Variants in PIKFYVE observed in about 807,000 individuals in gnomAD.
The protein encoded by PIKFYVE is phosphoinositide kinase, FYVE-type zinc finger containing.
A neutral mutation model predicts 257.9 loss-of-function variants in PIKFYVE; 122 were observed. The observed-to-expected ratio is 0.47, with a 90% CI of 0.41 to 0.55. The LOEUF (loss-of-function observed/expected upper bound fraction) is 0.55, where lower values mean the gene tolerates loss of function less well. PIKFYVE is among the 20% of genes least tolerant of loss of function. PIKFYVE has a pLI of 0.00. For missense variants in PIKFYVE, 2,160 were observed against 2,536.6 expected (o/e 0.85, Z 3.19); for synonymous variants, 892 against 868.9 (o/e 1.03, Z -0.47).
intron 7 of PIKFYVE, among the ~76,000 whole-genome samples, chr2:208,291,771 G>A (rs544541773): frequency 7.9e-5 from 12 of 151,872 alleles, no homozygotes; most frequent in Admixed American, 1.3e-4. Context: ...AACCAGCTTT[G>A]GCTTTGTTGA....
At chr2:208,330,013 A>G (rs997485090) in intron 22 of PIKFYVE, 100 bp downstream of exon 22, 7 of 1,483,670 alleles carry the variant, frequency 4.7e-6, no homozygotes, top group East Asian at 2.4e-5. Flanking sequence ...TGACTGTTAC[A>G]TGATCCTCAC....
chr2:208,284,056 A>C (rs1244272498), intron 5 of PIKFYVE, among the ~76,000 whole-genome samples: 1 of 152,198 alleles, frequency 6.6e-6, no homozygotes, highest in Non-Finnish European at 1.5e-5. Flanking sequence ...TTTAGGTGGA[A>C]TTATTAAACA....
Position 208,302,274 on chromosome 2 carries a change from T to C in PIKFYVE, c.1241T>C (p.Val414Ala). ...AQAIAIGQAMVDGRWLDCVSH... is the reference protein window; with the variant it reads ...AQAIAIGQAMADGRWLDCVSH... ...GCTATAGCAATTGGACAAGCAATGG[T>C]TGATGGACGTTGGCTGGATTGTGTT... Residue 414 changes from valine to alanine, a missense_variant, in exon 10 of 42, where the codon GTT becomes GCT. Coordinates refer to ENST00000264380, the MANE Select transcript of PIKFYVE (RefSeq NM_015040.4). 6.2e-7 allele frequency: 1 copy of C among 1,614,128 alleles called. No homozygotes were observed. Among genetic ancestry groups the C allele is most frequent in the Non-Finnish European group, 8.5e-7 (1 of 1,179,980 alleles).
intron 5 of PIKFYVE, among the ~76,000 whole-genome samples, chr2:208,285,181 C>T (rs1200624615): frequency 6.6e-6 from 1 of 152,060 alleles, no homozygotes; most frequent in South Asian, 2.1e-4. Flanking sequence ...CTGCAACCTC[C>T]GCCTCCCGGG....
intron 38 of PIKFYVE, 144 bp downstream of exon 38, chr2:208,351,599 A>C: frequency 2.5e-6 from 2 of 802,600 alleles, no homozygotes; most frequent in Non-Finnish European, 4.3e-6. Context: ...TATTTGGCTC[A>C]TAGTTCTGCA....
intron 41 of PIKFYVE, 27 bp from the exon 42 acceptor site, chr2:208,355,163 T>C (rs753544599): frequency 9.6e-6 from 15 of 1,555,586 alleles, no homozygotes; most frequent in Middle Eastern, 1.7e-4. Context: ...AACAGCTTTT[T>C]CCCCCTTTTC....
In PIKFYVE at chr2:208,298,637, C is replaced by T. The variant is rs377206405; in HGVS notation, c.912-4C>T. 6.2e-7 allele frequency: 1 copy of T among 1,613,772 alleles called. No individual in the cohort carries two copies. Among genetic ancestry groups the T allele is most frequent in the African/African-American group, 1.3e-5 (1 of 74,904 alleles). On this transcript the variant is annotated splice_polypyrimidine_tract_variant and splice_region_variant and intron_variant, in intron 7 of 41. Transcript: ENST00000264380. ...GTGATTTCACTTCTTGTTTTTATTT[C>T]CAGATCAGCCAGCATTACTAACCTG... is the stretch of plus-strand genomic sequence containing the variant.
Position 208,285,751 on chromosome 2 carries a change from T to G in PIKFYVE, c.639T>G (p.Cys213Trp). ...GAGACCTCCGAGCTTGCACATATTG[T>G]AGAAAAATAGCCTTAAGTTATGCTC... ...YTGDLRACTY[C>W]RKIALSYAHS... Residue 213 changes from cysteine to tryptophan, a missense_variant, in exon 6 of 42, where the codon TGT becomes TGG. Cys to Trp is a radical substitution (Grantham distance 215). Coordinates refer to ENST00000264380, the MANE Select transcript of PIKFYVE (RefSeq NM_015040.4). 1.2e-6 allele frequency: 2 copies of G among 1,614,034 alleles called. No individual in the cohort carries two copies. The highest frequency in any genetic ancestry group is 1.3e-5 in the African/African-American group (1 of 75,036).
rs781321289 is a variant in PIKFYVE, at chr2:208,345,190, A to G, written c.5107A>G (p.Asn1703Asp). The G allele has an allele frequency of 2.5e-6, 4 of 1,603,658 alleles. No individual in the cohort carries two copies. In the Admixed American group the frequency reaches 5.0e-5, roughly 20 times the overall value. Residue 1703 changes from asparagine to aspartate, a missense_variant, in exon 33 of 42, where the codon AAT becomes GAT. By Grantham distance (23) the Asn-to-Asp change is conservative. This residue lies in a region of PIKFYVE where 699 missense variants were observed against 855.8 expected (regional missense o/e 0.82). Transcript: ENST00000264380. Reference sequence around the variant, plus strand: ...CAGTGCCGAAGAAGGGCTTCCAACAAATAGGTGATTCATGATTGAGTAGAA... The same window carrying G: ...CAGTGCCGAAGAAGGGCTTCCAACAGATAGGTGATTCATGATTGAGTAGAA... ...WNSAEEGLPT[N>D]STSDSRPKSS...
At chr2:208,328,351 A>G in intron 21 of PIKFYVE, 71 bp downstream of exon 21, 1 of 1,588,104 alleles carries the variant, frequency 6.3e-7, no homozygotes, top group Non-Finnish European at 8.6e-7. Context: ...AAACAAAAAC[A>G]AAAAAACAGT....
chr2:208,352,496 CTCACT>C (rs1344789868), intron 38 of PIKFYVE, among the ~76,000 whole-genome samples, 153 bp from the exon 39 acceptor site: 13 of 152,244 alleles, frequency 8.5e-5, no homozygotes, highest in South Asian at 2.1e-4. Flanking sequence ...TGCTGCTGTA[CTCACT>C]TCTGAGATTC....
chr2:208,275,181 TTTTCTAATG>T (rs1304061392), intron 3 of PIKFYVE, among the ~76,000 whole-genome samples: 3 of 152,256 alleles, frequency 2.0e-5, no homozygotes, highest in African/African-American at 7.2e-5. Flanking sequence ...AGTTATTTAA[TTTTCTAATG>T]TTCATTTTGC....
At chr2:208,294,093 A>G (rs1290321917) in intron 7 of PIKFYVE, among the ~76,000 whole-genome samples, 12 of 151,680 alleles carry the variant, frequency 7.9e-5, no homozygotes, top group Admixed American at 7.9e-4. Context: ...CATTTCTTGG[A>G]TATTGTTTGT....
Position 208,302,908 on chromosome 2 carries a change from C to T in PIKFYVE, c.1320+555C>T, listed in dbSNP as rs190725558. 4.6e-5 allele frequency among the ~76,000 whole-genome samples: 7 copies of T among 152,002 alleles called. 1 individual carries two copies. The highest frequency in any genetic ancestry group is 2.1e-4 in the South Asian group (1 of 4,810). On this transcript the variant is annotated intron_variant, in intron 10 of 41. Coordinates refer to ENST00000264380, the MANE Select transcript of PIKFYVE (RefSeq NM_015040.4). ...CATCCTGGCTAACATGGTGAAATCC[C>T]GTCTCTACTAAAAATACAAAAAAAT...
intron 33 of PIKFYVE, 81 bp from the exon 34 acceptor site, chr2:208,345,969 C>T (rs1194963900): frequency 2.4e-5 from 23 of 946,238 alleles, no homozygotes; most frequent in Admixed American, 3.7e-5. Context: ...CAGTGTACAG[C>T]GTAATTAGTG....
In PIKFYVE at chr2:208,336,956, C is replaced by G. The variant is rs369276426; in HGVS notation, c.4611+28C>G. ...ATGAAATGTAGTCTTGTCTTTGGTCCTTAATCAATAGAAATATAGTTAGTT... is the reference window on the plus strand; with the variant it reads ...ATGAAATGTAGTCTTGTCTTTGGTCGTTAATCAATAGAAATATAGTTAGTT... On this transcript the variant is annotated intron_variant, in intron 28 of 41. Coordinates refer to ENST00000264380, the MANE Select transcript of PIKFYVE (RefSeq NM_015040.4). 23 of 1,509,282 alleles carry G rather than the reference C, an allele frequency of 1.5e-5. No individual in the cohort carries two copies. The African/African-American group carries it at 3.0e-4, about 20-fold the overall frequency. 93.5% of individuals were successfully genotyped at this position (1,509,282 alleles called of 1,614,324 possible).
chr2:208,312,105 G>C, intron 12 of PIKFYVE, 131 bp from the exon 13 acceptor site: 1 of 700,754 alleles, frequency 1.4e-6, no homozygotes, highest in Non-Finnish European at 2.5e-6. Flanking sequence ...TCTTGAATTT[G>C]CCGGGCAGTG....
At chr2:208,319,583 A>G (rs1475242515) in intron 16 of PIKFYVE, among the ~76,000 whole-genome samples, 1 of 152,202 alleles carries the variant, frequency 6.6e-6, no homozygotes, top group Non-Finnish European at 1.5e-5. Context: ...TGAGTTTCCC[A>G]GCTGGTGAGT....
intron 2 of PIKFYVE, among the ~76,000 whole-genome samples, chr2:208,272,218 GAGCGTGACTC>G (rs1322577667): frequency 6.6e-6 from 1 of 151,454 alleles, no homozygotes; most frequent in Non-Finnish European, 1.5e-5. Context: ...CTGGGTGACA[GAGCGTGACTC>G]CATCTCAAAA....
Sources: allele counts gnomAD v4.1 joint callset (sites outside exome capture counted in the v4.1 genomes callset), GRCh38; gene constraint gnomAD v4.1.1; regional missense constraint gnomAD v4.1.1; transcripts MANE v1.5; gene names NCBI Gene and HGNC (gene_info 2026-07-23, HGNC 2026-07-21).